BTN3A2: variants seen among roughly 807,000 people sequenced by gnomAD.
BTN3A2 encodes the protein butyrophilin subfamily 3 member A2.
In BTN3A2, 25 loss-of-function variants were observed where a neutral mutation model predicts 37.6. That is an observed-to-expected ratio of 0.66 (90% CI 0.48 to 0.93). The LOEUF (loss-of-function observed/expected upper bound fraction) is 0.93. Ranked by LOEUF, BTN3A2 falls within the 40% of genes least tolerant of loss-of-function variation. The pLI, the probability that BTN3A2 is intolerant of heterozygous loss-of-function variation, is 0.00. For missense variants in BTN3A2, 266 were observed against 410.9 expected, an observed-to-expected ratio of 0.65 and a Z score of 3.05; for synonymous variants, 122 against 159.4, an observed-to-expected ratio of 0.77 and a Z score of 1.77.
chr6:26,376,557 C>T lies in BTN3A2; in HGVS notation c.*795C>T, dbSNP rs1735654401. ...AAATGGCTGACCCCATGGACACCTC[C>T]TCAAACTCTCTGCAGCAGATGTAAT... On this transcript the variant is annotated 3_prime_UTR_variant, in exon 11 of 11. Transcript: ENST00000377708. 1.4e-6 allele frequency: 2 copies of T among 1,382,270 alleles called. No individual in the cohort carries two copies. The highest frequency in any genetic ancestry group is 2.0e-6 in the Non-Finnish European group (2 of 1,014,048). 85.6% of individuals were successfully genotyped at this position (1,382,270 alleles called of 1,614,324 possible). A position where few individuals can be genotyped will look rare whatever the true frequency, so the allele number is the denominator to read the frequency against.
chr6:26,368,468 G>T lies in BTN3A2; in HGVS notation c.86-97G>T, dbSNP rs779200988. On this transcript the variant is annotated intron_variant, in intron 3 of 10. Coordinates refer to ENST00000377708, the MANE Select transcript of BTN3A2 (RefSeq NM_007047.5). ...CTGTTAGGATTGTGTTCCCCTCTAGGTTCTCTGTATCTCGCCTTCCCTGTC... is the reference window on the plus strand; with the variant it reads ...CTGTTAGGATTGTGTTCCCCTCTAGTTTCTCTGTATCTCGCCTTCCCTGTC... 4 of 1,585,048 alleles carry T rather than the reference G, an allele frequency of 2.5e-6. No homozygotes were observed. The East Asian group carries it at 9.0e-5, about 36-fold the overall frequency.
rs1188920267 is a variant in BTN3A2 at position 26,365,326 on chromosome 6, C to T, written c.-93C>T. ...ATTGACCGTCTTTATTCTGTGGGCT[C>T]TGATTCTCCAATGGGAATACCAAGG... On this transcript the variant is annotated 5_prime_UTR_variant, in exon 1 of 11. Coordinates refer to ENST00000377708, the MANE Select transcript of BTN3A2 (RefSeq NM_007047.5). 6.5e-7 allele frequency: 1 copy of T among 1,535,734 alleles called. No homozygotes were observed. The highest frequency in any genetic ancestry group is 8.7e-7 in the Non-Finnish European group (1 of 1,146,714).
chr6:26,376,143 G>A lies in BTN3A2; in HGVS notation c.*381G>A, dbSNP rs1443070240. 2 of 202,632 alleles carry A rather than the reference G, an allele frequency of 9.9e-6. No individual in the cohort carries two copies. Among genetic ancestry groups the A allele is most frequent in the Admixed American group, 5.6e-5 (1 of 17,802 alleles). The allele number at this position is 202,632 out of a possible 1,614,324, so 12.6% of individuals were successfully genotyped here. ...CAGGAGAATGGCATGAACCCGGAAG[G>A]CAGAGCTTGCAGTGAGCCGAGATCA... On this transcript the variant is annotated 3_prime_UTR_variant, in exon 11 of 11. Transcript: ENST00000377708.
intron 5 of BTN3A2, among the ~76,000 whole-genome samples, chr6:26,371,542 G>T (rs1050246887): frequency 6.6e-6 from 1 of 152,182 alleles, no homozygotes; most frequent in African/African-American, 2.4e-5. Flanking sequence ...GTCAACCTCT[G>T]TTGGGGGCTC....
intron 1 of BTN3A2, among the ~76,000 whole-genome samples, chr6:26,367,461 T>C (rs9379858): frequency 0.077 from 11,699 of 152,258 alleles, 564 homozygotes; most frequent in Non-Finnish European, 0.11. Context: ...GTCCCATGAC[T>C]GAGATCATCA....
chr6:26,374,509 T>A, intron 9 of BTN3A2, 136 bp downstream of exon 9: 3 of 1,019,142 alleles, frequency 2.9e-6, no homozygotes, highest in South Asian at 1.5e-5. Context: ...TCCGCTTTTC[T>A]GGAGCCTCTG....
chr6:26,373,392 A>T lies in BTN3A2; in HGVS notation c.943A>T (p.Lys315Ter). The stretch of plus-strand genomic sequence containing the variant: ...CCCTGTTCATTCCATTGCAGAGAGG[A>T]AAAAAATCCAGTACTTGACTCGTGA... ...RESLQEELKRKKIQYLTRGEE... is the reference protein window; with the variant it reads ...RESLQEELKR The change falls in exon 8 of 11, where the codon AAA becomes TAA. Residue 315 changes from lysine (K) to a stop codon, truncating the protein, a stop_gained. Coordinates refer to ENST00000377708, the MANE Select transcript of BTN3A2 (RefSeq NM_007047.5). LOFTEE classifies it high-confidence loss of function. The T allele has an allele frequency of 6.2e-7, 1 of 1,602,388 alleles. No individual in the cohort carries two copies. The highest frequency in any genetic ancestry group is 8.5e-7 in the Non-Finnish European group (1 of 1,176,808).
chr6:26,366,021 G>A (rs1581531088), intron 1 of BTN3A2, among the ~76,000 whole-genome samples: 1 of 152,104 alleles, frequency 6.6e-6, no homozygotes. Flanking sequence ...ATCTTTTAGG[G>A]ATAGTACTTG....
chr6:26,371,878 C>T (rs1399465594), intron 5 of BTN3A2, among the ~76,000 whole-genome samples: 1 of 152,104 alleles, frequency 6.6e-6, no homozygotes, highest in Non-Finnish European at 1.5e-5. Context: ...AAGGTTTTAC[C>T]ATGTTGGCCA....
In BTN3A2 at chr6:26,376,232, A is replaced by AAGAAAAG. The variant is rs1554126686; in HGVS notation, c.*471_*472insGAAAAGA. 13 of 136,588 alleles carry AAGAAAAG rather than the reference A, an allele frequency of 9.5e-5. No homozygotes were observed. The highest frequency in any genetic ancestry group is 5.7e-4 in the South Asian group (3 of 5,220). The allele number at this position is 136,588 out of a possible 1,614,324, so 8.5% of individuals were successfully genotyped here. A position where few individuals can be genotyped will look rare whatever the true frequency, so the allele number is the denominator to read the frequency against. On this transcript the variant is annotated 3_prime_UTR_variant, in exon 11 of 11. Coordinates refer to ENST00000377708, the MANE Select transcript of BTN3A2 (RefSeq NM_007047.5). ...TGTCTCAAGAAAAAAAAAAAAAAAA[A>AAGAAAAG]AAAAGAAAAGAAAATTAACCTCTGA...
chr6:26,376,761 G>A lies in BTN3A2; in HGVS notation c.*999G>A. 1.2e-6 allele frequency: 2 copies of A among 1,607,988 alleles called. No individual in the cohort carries two copies. The highest frequency in any genetic ancestry group is 1.7e-6 in the Non-Finnish European group (2 of 1,174,594). Reference sequence around the variant, plus strand: ...ACACTACTGGGAGGTGGAAGTGGGGGACAGAAAAGAGTGGCATATTGGGGT... The same window carrying A: ...ACACTACTGGGAGGTGGAAGTGGGGAACAGAAAAGAGTGGCATATTGGGGT... On this transcript the variant is annotated 3_prime_UTR_variant, in exon 11 of 11. Transcript: ENST00000377708.
rs34878490 is a variant in BTN3A2 at position 26,370,344 on chromosome 6, C to T, written c.456C>T (p.Val152=). The T allele has an allele frequency of 0.11, 175,770 of 1,612,990 alleles. 10,770 individuals are homozygous for T. The highest frequency in any genetic ancestry group is 0.12 in the Non-Finnish European group (146,156 of 1,178,988). The part of the protein sequence containing the change: ...KVAALGSNLH[V]EVKGYEDGGI... The stretch of plus-strand genomic sequence containing the variant: ...CAGCACTGGGTTCTAATCTTCACGT[C>T]GAAGTGAAGGGTTATGAGGATGGAG... The change falls in exon 5 of 11, where the codon GTC becomes GTT. Residue 152 remains valine, a synonymous_variant. Transcript: ENST00000377708.
Position 26,375,822 on chromosome 6 carries a change from C to A in BTN3A2, c.*60C>A. The A allele has an allele frequency of 6.5e-7, 1 of 1,549,958 alleles. No individual in the cohort carries two copies. The highest frequency in any genetic ancestry group is 8.7e-7 in the Non-Finnish European group (1 of 1,145,706). ...GTGAGGAAATGCTTCAGATGAGGCT[C>A]CACCTTGTTAAATAAATTGGATGTA... is the stretch of plus-strand genomic sequence containing the variant. On this transcript the variant is annotated 3_prime_UTR_variant, in exon 11 of 11. Coordinates refer to ENST00000377708, the MANE Select transcript of BTN3A2 (RefSeq NM_007047.5).
chr6:26,368,364 G>A (rs957547990), intron 3 of BTN3A2, 97 bp downstream of exon 3: 4 of 1,538,338 alleles, frequency 2.6e-6, no homozygotes, highest in South Asian at 1.1e-5. Flanking sequence ...TGCCCTCTTA[G>A]AACCTTTAAC....
chr6:26,371,398 A>G (rs1760099856), intron 5 of BTN3A2, among the ~76,000 whole-genome samples: 1 of 152,254 alleles, frequency 6.6e-6, no homozygotes, highest in African/African-American at 2.4e-5. Context: ...CATATGAAAT[A>G]ATTTTTCACT....
At position 26,375,834 on chromosome 6, in the gene BTN3A2, A is replaced by G. The variant is rs1212744230; in HGVS notation, c.*72A>G. The G allele has an allele frequency of 2.6e-6, 4 of 1,549,668 alleles. No homozygotes were observed. The highest frequency in any genetic ancestry group is 1.2e-5 in the South Asian group (1 of 84,030). ...TTCAGATGAGGCTCCACCTTGTTAAATAAATTGGATGTATGGAAAAATAGA... is the reference window on the plus strand; with the variant it reads ...TTCAGATGAGGCTCCACCTTGTTAAGTAAATTGGATGTATGGAAAAATAGA... On this transcript the variant is annotated 3_prime_UTR_variant, in exon 11 of 11. Coordinates refer to ENST00000377708, the MANE Select transcript of BTN3A2 (RefSeq NM_007047.5).
At chr6:26,375,496 C>T (rs1760630219) in intron 10 of BTN3A2, 1 of 739,800 alleles carries the variant, frequency 1.4e-6, no homozygotes, top group East Asian at 2.8e-5. Context: ...CTTTCTTTCT[C>T]CTTCTAATCT....
intron 8 of BTN3A2, chr6:26,373,897 C>T (rs1381805900): frequency 1.7e-5 from 3 of 181,388 alleles, no homozygotes; most frequent in Admixed American, 6.1e-5. Context: ...TAGATCATAA[C>T]TGCTTTCAAA....
At chr6:26,374,502 G>A (rs191840210) in intron 9 of BTN3A2, 129 bp downstream of exon 9, 70 of 1,065,072 alleles carry the variant, frequency 6.6e-5, no homozygotes, top group Admixed American at 4.8e-4. Flanking sequence ...GTTCACCTCC[G>A]CTTTTCTGGA....
Sources: gnomAD v4.1 joint callset for allele counts (sites outside exome capture counted in the v4.1 genomes callset) on GRCh38, gnomAD v4.1.1 for gene constraint, MANE v1.5 for transcripts, NCBI Gene and HGNC (gene_info 2026-07-23, HGNC 2026-07-21) for gene names.